C15orf40: variants seen among roughly 807,000 people sequenced by gnomAD.
C15orf40 encodes the protein chromosome 15 open reading frame 40, also known as UPF0235 protein C15orf40.
In C15orf40, 9 loss-of-function variants were observed where a neutral mutation model predicts 13.9. The observed-to-expected ratio is 0.65, with a 90% CI of 0.39 to 1.13. The LOEUF is 1.13. Ranked by LOEUF, C15orf40 falls within the 50% of genes most tolerant of loss-of-function variation. The pLI is 0.01. For missense variants in C15orf40, 225 were observed against 188.5 expected (o/e 1.19, Z -1.13); for synonymous variants, 95 against 69.2 (o/e 1.37, Z -1.85).
Position 82,998,272 on chromosome 15 carries a change from C to CA in C15orf40, c.*7324_*7325insT, listed in dbSNP as rs1359719169. 3 of 134,456 alleles carry CA rather than the reference C, an allele frequency of 2.2e-5. No homozygotes were observed. The highest frequency in any genetic ancestry group is 7.9e-5 in the African/African-American group (2 of 25,286). The allele number at this position is 134,456 out of a possible 1,614,324, so 8.3% of individuals were successfully genotyped here. A position where few individuals can be genotyped will look rare whatever the true frequency, so the allele number is the denominator to read the frequency against. ...GTGGCTGGCCGGGCGGGGGACTGAC[C>CA]CCCCCCCACCTCCCTCCCGGACGGG... On this transcript the variant is annotated 3_prime_UTR_variant, in exon 4 of 4. Coordinates refer to ENST00000304177, the MANE Select transcript of C15orf40 (RefSeq NM_144597.3).
rs2031592766 is a variant in C15orf40 at position 83,004,907 on chromosome 15, T to C, written c.*690A>G. The stretch of plus-strand genomic sequence containing the variant: ...ATCTAGAAAAACTGCATTCAACAAG[T>C]AGTCCAAGGATTTGGGTTCTAGTTG... On this transcript the variant is annotated 3_prime_UTR_variant, in exon 4 of 4. Coordinates refer to ENST00000304177, the MANE Select transcript of C15orf40 (RefSeq NM_144597.3). The C allele has an allele frequency of 3.1e-6, 4 of 1,304,370 alleles. No homozygotes were observed. The highest frequency in any genetic ancestry group is 1.5e-5 in the African/African-American group (1 of 65,846). 80.8% of individuals were successfully genotyped at this position (1,304,370 alleles called of 1,614,324 possible). A position where few individuals can be genotyped will look rare whatever the true frequency, so the allele number is the denominator to read the frequency against.
At position 83,004,416 on chromosome 15, in the gene C15orf40, T is replaced by C. The variant is rs1163409239; in HGVS notation, c.*1181A>G. ...TCTCCTGATCAGCAAAGGAAATTAA[T>C]TTTATTTTCTTTAATAAATTACTAT... On this transcript the variant is annotated 3_prime_UTR_variant, in exon 4 of 4. Coordinates refer to ENST00000304177, the MANE Select transcript of C15orf40 (RefSeq NM_144597.3). The C allele has an allele frequency of 1.1e-6, 1 of 937,256 alleles. No individual in the cohort carries two copies. Among genetic ancestry groups the C allele is most frequent in the East Asian group, 1.2e-4 (1 of 8,608 alleles). 58.1% of individuals were successfully genotyped at this position (937,256 alleles called of 1,614,324 possible).
Position 83,005,062 on chromosome 15 carries a change from A to G in C15orf40, c.*535T>C. 8.4e-7 allele frequency: 1 copy of G among 1,195,598 alleles called. No individual in the cohort carries two copies. Among genetic ancestry groups the G allele is most frequent in the Non-Finnish European group, 1.1e-6 (1 of 929,962 alleles). 74.1% of individuals were successfully genotyped at this position (1,195,598 alleles called of 1,614,324 possible). Reference sequence around the variant, plus strand: ...ATTCTTCCCAGCTCTGTTATTTTACAACGCCATGAAATCAGAGTAACATGT... The same window carrying G: ...ATTCTTCCCAGCTCTGTTATTTTACGACGCCATGAAATCAGAGTAACATGT... On this transcript the variant is annotated 3_prime_UTR_variant, in exon 4 of 4. Transcript: ENST00000304177.
At chr15:83,010,695 A>C in intron 1 of C15orf40, 1 of 216,850 alleles carries the variant, frequency 4.6e-6, no homozygotes, top group Middle Eastern at 1.8e-3. Flanking sequence ...ATTGTATCTC[A>C]TGCAGTCGGA....
Position 83,004,770 on chromosome 15 carries a change from C to A in C15orf40, c.*827G>T. On this transcript the variant is annotated 3_prime_UTR_variant, in exon 4 of 4. Transcript: ENST00000304177. The stretch of plus-strand genomic sequence containing the variant: ...TACATTTAAATAAGCATTTAAAAAT[C>A]TAAGGTAAGACTACAAAGCAGCATA... The A allele has an allele frequency of 6.8e-6, 7 of 1,034,414 alleles. No homozygotes were observed. The highest frequency in any genetic ancestry group is 9.8e-5 in the East Asian group (1 of 10,228). 64.1% of individuals were successfully genotyped at this position (1,034,414 alleles called of 1,614,324 possible). A position where few individuals can be genotyped will look rare whatever the true frequency, so the allele number is the denominator to read the frequency against.
chr15:83,003,282 C>A lies in C15orf40; in HGVS notation c.*2315G>T, dbSNP rs1477483578. ...CTGCAATTACAGGCATGTGCCACCA[C>A]GCCCAGCTAATTTTTTGTATTTTTA... On this transcript the variant is annotated 3_prime_UTR_variant, in exon 4 of 4. Coordinates refer to ENST00000304177, the MANE Select transcript of C15orf40 (RefSeq NM_144597.3). The A allele has an allele frequency of 1.3e-5, 2 of 151,978 alleles. No individual in the cohort carries two copies. Among genetic ancestry groups the A allele is most frequent in the African/African-American group, 4.8e-5 (2 of 41,320 alleles). The allele number at this position is 151,978 out of a possible 1,614,324, so 9.4% of individuals were successfully genotyped here.
At position 83,005,755 on chromosome 15, in the gene C15orf40, C is replaced by T. The variant is rs975537144; in HGVS notation, c.367-63G>A. On this transcript the variant is annotated intron_variant, in intron 3 of 3. Coordinates refer to ENST00000304177, the MANE Select transcript of C15orf40 (RefSeq NM_144597.3). ...CACATTCTAATGCTATTAGAGATAG[C>T]AGACCTCCGTTGTATAATGGGCTCT... 71 of 1,541,106 alleles carry T rather than the reference C, an allele frequency of 4.6e-5. No individual in the cohort carries two copies. The African/African-American group carries it at 9.3e-4, about 20-fold the overall frequency.
In C15orf40 at chr15:83,005,403, G is replaced by T; in HGVS notation, c.*194C>A. 1.6e-6 allele frequency: 1 copy of T among 627,276 alleles called. No homozygotes were observed. The highest frequency in any genetic ancestry group is 2.2e-6 in the Non-Finnish European group (1 of 461,208). 38.9% of individuals were successfully genotyped at this position (627,276 alleles called of 1,614,324 possible). On this transcript the variant is annotated 3_prime_UTR_variant, in exon 4 of 4. Coordinates refer to ENST00000304177, the MANE Select transcript of C15orf40 (RefSeq NM_144597.3). ...AGGTTCAAGTGATTCTCCTGCCTCA[G>T]CCTCCTGAGTAACTGGGATTACAGG...
intron 1 of C15orf40, 199 bp downstream of exon 1, chr15:83,011,298 G>A (rs377167732): frequency 3.8e-6 from 2 of 521,828 alleles, no homozygotes; most frequent in Non-Finnish European, 3.1e-6. Context: ...CCAGGTGGAC[G>A]GCAGCGCAGC....
At chr15:83,007,042 A>G (rs530590763) in intron 3 of C15orf40, among the ~76,000 whole-genome samples, 126 of 152,338 alleles carry the variant, frequency 8.3e-4, no homozygotes, top group African/African-American at 3.0e-3. Context: ...CTGGAAAACA[A>G]GCAGAGCTTT....
rs2031925366 is a variant in C15orf40 at position 83,010,300 on chromosome 15, G to C, written c.175C>G (p.Pro59Ala). The C allele has an allele frequency of 1.2e-6, 2 of 1,614,200 alleles. No individual in the cohort carries two copies. ...LPPLGPVAVD[P>A]KGCVTIAIHA... ...ATGGCTATGGTGACGCATCCTTTAG[G>C]ATCAACTGCCACAGGACCTAAGGGA... is the stretch of plus-strand genomic sequence containing the variant. The change falls in exon 2 of 4, where the codon CCT becomes GCT. Residue 59 changes from proline (P) to alanine (A), a missense_variant. Physicochemically the swap from Pro to Ala is conservative, Grantham distance 27. Coordinates refer to ENST00000304177, the MANE Select transcript of C15orf40 (RefSeq NM_144597.3).
chr15:83,001,250 G>T lies in C15orf40; in HGVS notation c.*4347C>A. The T allele has an allele frequency of 3.0e-6, 3 of 985,440 alleles. No individual in the cohort carries two copies. The highest frequency in any genetic ancestry group is 3.6e-6 in the Non-Finnish European group (3 of 829,954). 61.0% of individuals were successfully genotyped at this position (985,440 alleles called of 1,614,324 possible). ...CCTGCCTCCAGGGCATAATGAGCCA[G>T]GCTGTTCTTTCCCAGGATCTGTCGA... On this transcript the variant is annotated 3_prime_UTR_variant, in exon 4 of 4. Coordinates refer to ENST00000304177, the MANE Select transcript of C15orf40 (RefSeq NM_144597.3).
At chr15:83,008,749 G>C in intron 2 of C15orf40, 74 bp from the exon 3 acceptor site, 1 of 1,481,254 alleles carries the variant, frequency 6.8e-7, no homozygotes, top group Non-Finnish European at 9.0e-7. Flanking sequence ...TTTTGTAAAA[G>C]AGTTTTTGCA....
chr15:82,990,902 T>TG, downstream of C15orf40: 1 of 403,542 alleles, frequency 2.5e-6, no homozygotes, highest in Admixed American at 3.9e-5. Flanking sequence ...TTATATTCAC[T>TG]TCCAGATGCA....
At chr15:83,007,364 G>A (rs918694842) in intron 3 of C15orf40, among the ~76,000 whole-genome samples, 5 of 152,186 alleles carry the variant, frequency 3.3e-5, no homozygotes, top group Admixed American at 3.3e-4. Flanking sequence ...AGCAGGTTCA[G>A]GAATGAATTC....
At chr15:82,992,813 T>G (rs1002370900), downstream of C15orf40, among the ~76,000 whole-genome samples, 2 of 152,224 alleles carry the variant, frequency 1.3e-5, no homozygotes, top group African/African-American at 4.8e-5. Flanking sequence ...TTAACATGAG[T>G]AAATTCTGCA....
In C15orf40 at chr15:82,998,457, G is replaced by C. The variant is rs2031247648; in HGVS notation, c.*7140C>G. 1.2e-5 allele frequency: 1 copy of C among 84,262 alleles called. No homozygotes were observed. Among genetic ancestry groups the C allele is most frequent in the African/African-American group, 5.2e-5 (1 of 19,068 alleles). The allele number at this position is 84,262 out of a possible 1,614,324, so 5.2% of individuals were successfully genotyped here. On this transcript the variant is annotated 3_prime_UTR_variant, in exon 4 of 4. Coordinates refer to ENST00000304177, the MANE Select transcript of C15orf40 (RefSeq NM_144597.3). ...GAGGGTCTCCTCACTTCTCAGACGG[G>C]GCGGCCGGGCAGAGACGCTCCTCAC...
At position 83,001,428 on chromosome 15, in the gene C15orf40, T is replaced by A. The variant is rs867900651; in HGVS notation, c.*4169A>T. On this transcript the variant is annotated 3_prime_UTR_variant, in exon 4 of 4. Transcript: ENST00000304177. ...AGTGCTAGAACATCATATGTCGGCA[T>A]AGTTGGATAAATATTTTTCAAACCT... The A allele has an allele frequency of 8.7e-5, 37 of 423,156 alleles. No homozygotes were observed. The highest frequency in any genetic ancestry group is 6.8e-4 in the African/African-American group (32 of 46,752). 26.2% of individuals were successfully genotyped at this position (423,156 alleles called of 1,614,324 possible). A position where few individuals can be genotyped will look rare whatever the true frequency, so the allele number is the denominator to read the frequency against.
At chr15:82,990,073 A>G, downstream of C15orf40, 1 of 1,315,456 alleles carries the variant, frequency 7.6e-7, no homozygotes, top group African/African-American at 1.6e-5. Flanking sequence ...ACTGATAGAA[A>G]TGTTGGCAGC....
Sources: allele counts gnomAD v4.1 joint callset (sites outside exome capture counted in the v4.1 genomes callset), GRCh38; gene constraint gnomAD v4.1.1; transcripts MANE v1.5; gene names NCBI Gene and HGNC (gene_info 2026-07-23, HGNC 2026-07-21).